The following PXK variants were observed in gnomAD, a reference collection of about 807,000 sequenced individuals.
PXK encodes the protein PX domain containing serine/threonine kinase like.
A neutral mutation model predicts 84.7 loss-of-function variants in PXK; 35 were observed. The ratio of observed to expected loss-of-function variants is 0.41; its 90% CI spans 0.32 to 0.55. The LOEUF (loss-of-function observed/expected upper bound fraction) is 0.55, where lower values mean the gene tolerates loss of function less well. PXK is among the 20% of genes least tolerant of loss of function. The probability of loss-of-function intolerance (pLI) is 0.21; values close to 1 mark genes in which losing one functional copy is unlikely to be tolerated. For synonymous variants in PXK, 253 were observed against 260.8 expected (o/e 0.97, Z 0.29); for missense variants, 634 against 699.7 (o/e 0.91, Z 1.06).
In PXK at chr3:58,409,754, T is replaced by G; in HGVS notation, c.1395+136T>G. 3 of 690,660 alleles carry G rather than the reference T, an allele frequency of 4.3e-6. No homozygotes were observed. The highest frequency in any genetic ancestry group is 6.8e-6 in the Non-Finnish European group (3 of 443,234). 42.8% of individuals were successfully genotyped at this position (690,660 alleles called of 1,614,324 possible). On this transcript the variant is annotated intron_variant, in intron 15 of 17. Transcript: ENST00000356151. The surrounding 1 kb of genome is among the most constrained non-coding windows in gnomAD (Gnocchi z 4.2). ...AAAGCTAAGACTATTTCCAGATGAC[T>G]GGGGTGCAGTTTTTTTGGGGAAAAA...
chr3:58,419,973 C>T (rs190322751), intron 17 of PXK, among the ~76,000 whole-genome samples: 3 of 152,354 alleles, frequency 2.0e-5, no homozygotes, highest in East Asian at 3.9e-4. Flanking sequence ...AGGGAGGGGC[C>T]CAGTGCTTCC....
At position 58,412,159 on chromosome 3, in the gene PXK, G is replaced by A. The variant is rs1212310265; in HGVS notation, c.1466-742G>A. On this transcript the variant is annotated intron_variant, in intron 16 of 17. Transcript: ENST00000356151. This position sits in a 1 kb window ranked among gnomAD's most constrained non-coding sequence, Gnocchi z 6.2. ...CTCTATGTGTGGGAGGGGGGTTTCTGTGTCCACAGAAAGGCTTACGTAGGA... is the reference window on the plus strand; with the variant it reads ...CTCTATGTGTGGGAGGGGGGTTTCTATGTCCACAGAAAGGCTTACGTAGGA... 1.3e-5 allele frequency among the ~76,000 whole-genome samples: 2 copies of A among 152,118 alleles called. No homozygotes were observed. The highest frequency in any genetic ancestry group is 1.3e-4 in the Admixed American group (2 of 15,278).
In PXK at chr3:58,420,692, T is replaced by C. The variant is rs373099538; in HGVS notation, c.1529-4060T>C. On this transcript the variant is annotated intron_variant, in intron 17 of 17. Transcript: ENST00000356151. ...GTGGGAAAGCAGATTTGAGACTATT[T>C]CCTTATCTGAATATTTAAATGAAAT... 8.2e-5 allele frequency: 122 copies of C among 1,496,356 alleles called. No individual in the cohort carries two copies. In the East Asian group the frequency reaches 1.8e-3, roughly 22 times the overall value. 92.7% of individuals were successfully genotyped at this position (1,496,356 alleles called of 1,614,324 possible).
At chr3:58,353,484 C>T (rs1024666121) in intron 1 of PXK, among the ~76,000 whole-genome samples, 1 of 152,030 alleles carries the variant, frequency 6.6e-6, no homozygotes, top group African/African-American at 2.4e-5. Flanking sequence ...AAAATTGAAA[C>T]AAAACAAAGG....
rs2107098152 is a variant in PXK at position 58,395,773 on chromosome 3, T to G, written c.822+14T>G. 6.3e-7 allele frequency: 1 copy of G among 1,577,248 alleles called. No homozygotes were observed. The highest frequency in any genetic ancestry group is 1.7e-4 in the Middle Eastern group (1 of 5,980). ...CAAATATTAGAGGTAAGAGGTACTTTTGTTTAAGTTGCATTCAGATTTCAT... is the reference window on the plus strand; with the variant it reads ...CAAATATTAGAGGTAAGAGGTACTTGTGTTTAAGTTGCATTCAGATTTCAT... On this transcript the variant is annotated intron_variant, in intron 9 of 17. Transcript: ENST00000356151.
intron 7 of PXK, among the ~76,000 whole-genome samples, chr3:58,392,927 T>C (rs2098645820): frequency 6.6e-6 from 1 of 152,132 alleles, no homozygotes; most frequent in Non-Finnish European, 1.5e-5. Context: ...CCCAAAGTGC[T>C]GGGATGACAG....
At position 58,409,395 on chromosome 3, in the gene PXK, C is replaced by T; in HGVS notation, c.1309-137C>T. On this transcript the variant is annotated intron_variant, in intron 14 of 17. Transcript: ENST00000356151. This position sits in a 1 kb window ranked among gnomAD's most constrained non-coding sequence, Gnocchi z 4.2. ...CTCTACCTGGCATCCAGACCCGAGC[C>T]AGGAAGTAGACAGCCTGAGCAAGGA... is the stretch of plus-strand genomic sequence containing the variant. The T allele has an allele frequency of 2.4e-6, 2 of 819,844 alleles. No individual in the cohort carries two copies. The highest frequency in any genetic ancestry group is 4.0e-6 in the Non-Finnish European group (2 of 502,870). 50.8% of individuals were successfully genotyped at this position (819,844 alleles called of 1,614,324 possible). A position where few individuals can be genotyped will look rare whatever the true frequency, so the allele number is the denominator to read the frequency against.
chr3:58,378,533 TGTGTGTGTGTGTGTGTGTGTGAC>T, intron 3 of PXK, among the ~76,000 whole-genome samples: 1 of 65,808 alleles, frequency 1.5e-5, no homozygotes, highest in South Asian at 4.3e-4. Flanking sequence ...TGTGTGTGTG[TGTGTGTGTGTGTGTGTGTGTGAC>T]GAAGTTTCGC....
intron 13 of PXK, among the ~76,000 whole-genome samples, chr3:58,404,265 C>T (rs974029352): frequency 2.0e-5 from 3 of 152,134 alleles, no homozygotes; most frequent in Non-Finnish European, 4.4e-5. Context: ...GAATGGGCTT[C>T]GGAACCCAAA....
At chr3:58,336,038 CATATATATATATATATAT>C (rs1168755178) in intron 1 of PXK, among the ~76,000 whole-genome samples, 1 of 43,146 alleles carries the variant, frequency 2.3e-5, no homozygotes, top group Non-Finnish European at 4.4e-5. Flanking sequence ...CCTTGGGAAA[CATATATATATATATATAT>C]ATATATATAT....
chr3:58,422,265 A>G, intron 17 of PXK: 2 of 984,652 alleles, frequency 2.0e-6, no homozygotes, highest in Non-Finnish European at 2.4e-6. Flanking sequence ...TGACCCCTAG[A>G]CCTCCTCTCC....
intron 7 of PXK, 68 bp downstream of exon 7, chr3:58,391,915 A>G (rs2098635961): frequency 7.1e-7 from 1 of 1,411,182 alleles, no homozygotes; most frequent in Non-Finnish European, 1.0e-6. Flanking sequence ...CTGGGTGAAC[A>G]TGGACAGAAA....
At chr3:58,340,138 T>C (rs1276694196) in intron 1 of PXK, among the ~76,000 whole-genome samples, 1 of 147,952 alleles carries the variant, frequency 6.8e-6, no homozygotes, top group Non-Finnish European at 1.5e-5. Flanking sequence ...TTTTTTTTTT[T>C]AAGACAGGGT....
At chr3:58,402,208 CCTCCTCCTCTCTT>C (rs1484941958) in intron 12 of PXK, among the ~76,000 whole-genome samples, 1 of 151,758 alleles carries the variant, frequency 6.6e-6, no homozygotes, top group African/African-American at 2.4e-5. Context: ...CTTTCCCTCT[CCTCCTCCTCTCTT>C]CTCCTCTTTT....
At chr3:58,418,762 A>G (rs2061376857) in intron 17 of PXK, among the ~76,000 whole-genome samples, 1 of 152,212 alleles carries the variant, frequency 6.6e-6, no homozygotes. Flanking sequence ...GTTTTAACCA[A>G]TAATTTTGAG....
chr3:58,396,352 T>C (rs1473981389), intron 9 of PXK, among the ~76,000 whole-genome samples: 1 of 151,854 alleles, frequency 6.6e-6, no homozygotes, highest in East Asian at 1.9e-4. Context: ...GTTAAAAAAA[T>C]AACATTTTTA....
rs541242046 is a variant in PXK, at chr3:58,361,023, G to A, written c.103-4851G>A. Among the ~76,000 whole-genome samples the A allele has an allele frequency of 4.6e-5, 7 of 151,848 alleles. No individual in the cohort carries two copies. In the East Asian group the frequency reaches 9.7e-4, roughly 21 times the overall value. On this transcript the variant is annotated intron_variant, in intron 1 of 17. Transcript: ENST00000356151. ...TTAAAACTTCTCATTTTGGCCGGGCGCGGTGGTTCACGCCTGTAATCCTGG... is the reference window on the plus strand; with the variant it reads ...TTAAAACTTCTCATTTTGGCCGGGCACGGTGGTTCACGCCTGTAATCCTGG...
chr3:58,381,295 A>G (rs574915134), intron 3 of PXK, among the ~76,000 whole-genome samples: 1 of 152,010 alleles, frequency 6.6e-6, no homozygotes, highest in East Asian at 1.9e-4. Context: ...TCTACCAAAA[A>G]CAAGGGAATT....
Position 58,421,209 on chromosome 3 carries a change from G to A in PXK, c.1529-3543G>A, listed in dbSNP as rs902205263. The A allele has an allele frequency of 1.8e-5, 18 of 985,224 alleles. No homozygotes were observed. The highest frequency in any genetic ancestry group is 2.2e-5 in the Non-Finnish European group (18 of 829,918). 61.0% of individuals were successfully genotyped at this position (985,224 alleles called of 1,614,324 possible). On this transcript the variant is annotated intron_variant, in intron 17 of 17. Coordinates refer to ENST00000356151, the MANE Select transcript of PXK (RefSeq NM_017771.5). This position sits in a 1 kb window ranked among gnomAD's most constrained non-coding sequence, Gnocchi z 5.5. ...TCATGGCCACTTGGCCTCCCTTCCT[G>A]TATGTGACCACAAAGGAGCTCAGAA...
Sources: gnomAD v4.1 joint callset for allele counts (sites outside exome capture counted in the v4.1 genomes callset) on GRCh38, gnomAD v4.1.1 for gene constraint, Gnocchi (gnomAD v3.1) non-coding constraint, MANE v1.5 for transcripts, NCBI Gene and HGNC (gene_info 2026-07-23, HGNC 2026-07-21) for gene names.